Variants in LRRC15 observed in about 807,000 individuals in gnomAD.
LRRC15 encodes the protein leucine rich repeat containing 15, also known as leucine-rich repeat-containing protein 15.
LRRC15 carries 5 observed loss-of-function variants against 4.3 expected under a neutral mutation model. The observed-to-expected ratio is 1.16, with a 90% CI of 0.61 to 2.44. The LOEUF is 2.44. Ranked by LOEUF, LRRC15 falls within the 30% of genes most tolerant of loss-of-function variation. The pLI, the probability that LRRC15 is intolerant of heterozygous loss-of-function variation, is 0.01. For missense variants in LRRC15, 769 were observed against 747.0 expected (o/e 1.03, Z -0.34); for synonymous variants, 337 against 323.2 (o/e 1.04, Z -0.46).
In LRRC15 at chr3:194,360,734, G is replaced by T. The variant is rs774509554; in HGVS notation, c.310C>A (p.Arg104Ser). The change falls in exon 2 of 2, where the codon CGC becomes AGC. Residue 104 changes from arginine (R) to serine (S), a missense_variant. Arg to Ser is a moderately radical substitution (Grantham distance 110, BLOSUM62 -1). Coordinates refer to ENST00000347624, the MANE Select transcript of LRRC15 (RefSeq NM_130830.5). The part of the protein sequence containing the change: ...PGAFRNLGSL[R>S]YLSLANNKLQ... ...TTGTTGTTGGCGAGGCTGAGATAGCGCAGCGAGCCCAGGTTTCGGAAGGCC... is the reference window on the plus strand; with the variant it reads ...TTGTTGTTGGCGAGGCTGAGATAGCTCAGCGAGCCCAGGTTTCGGAAGGCC... 4 of 1,614,224 alleles carry T rather than the reference G, an allele frequency of 2.5e-6. No homozygotes were observed. Among genetic ancestry groups the T allele is most frequent in the East Asian group, 2.2e-5 (1 of 44,886 alleles).
rs1357349985 is a variant in LRRC15, at chr3:194,356,156, A to G, written c.*3142T>C. Reference sequence around the variant, plus strand: ...AGAGCAAGTGCCTCTGTACCCCATCACAAGTGGGTAGAGGCGGCACTCCTA... The same window carrying G: ...AGAGCAAGTGCCTCTGTACCCCATCGCAAGTGGGTAGAGGCGGCACTCCTA... On this transcript the variant is annotated 3_prime_UTR_variant, in exon 2 of 2. Coordinates refer to ENST00000347624, the MANE Select transcript of LRRC15 (RefSeq NM_130830.5). 6.6e-6 allele frequency: 1 copy of G among 152,234 alleles called. No homozygotes were observed. Among genetic ancestry groups the G allele is most frequent in the Non-Finnish European group, 1.5e-5 (1 of 68,060 alleles). The allele number at this position is 152,234 out of a possible 1,614,324, so 9.4% of individuals were successfully genotyped here.
chr3:194,358,916 C>T lies in LRRC15; in HGVS notation c.*382G>A, dbSNP rs563492053. 2 of 183,630 alleles carry T rather than the reference C, an allele frequency of 1.1e-5. No individual in the cohort carries two copies. The highest frequency in any genetic ancestry group is 4.7e-5 in the African/African-American group (2 of 42,548). 11.4% of individuals were successfully genotyped at this position (183,630 alleles called of 1,614,324 possible). On this transcript the variant is annotated 3_prime_UTR_variant, in exon 2 of 2. Transcript: ENST00000347624. ...GGCTATCTCAGCGGAGAACTATTCC[C>T]ACGAAGTGAGCAGGCTGTGGACTAA...
chr3:194,359,673 G>A lies in LRRC15; in HGVS notation c.1371C>T (p.Ala457=), dbSNP rs776450336. The A allele has an allele frequency of 6.2e-7, 1 of 1,614,168 alleles. No homozygotes were observed. Among genetic ancestry groups the A allele is most frequent in the Non-Finnish European group, 8.5e-7 (1 of 1,180,020 alleles). The change falls in exon 2 of 2, where the codon GCC becomes GCT. Residue 457 remains alanine, a synonymous_variant. Transcript: ENST00000347624. ...TAATGAGGGACTGGCCTCGGACATT[G>A]GCTGGGCTGAAACACACAGGTACAG... is the stretch of plus-strand genomic sequence containing the variant. The part of the protein sequence containing the change: ...TDTVPVCFSP[A]NVRGQSLIII...
intron 1 of LRRC15, among the ~76,000 whole-genome samples, chr3:194,367,849 A>G (rs1713825969): frequency 6.6e-6 from 1 of 152,240 alleles, no homozygotes; most frequent in African/African-American, 2.4e-5. Context: ...ATTGTTTGAA[A>G]ACAGAAAATC....
chr3:194,362,812 A>G lies in LRRC15; in HGVS notation c.-3-1766T>C, dbSNP rs577957067. The stretch of plus-strand genomic sequence containing the variant: ...ACTCACGGGGTCTGGAGCCTGGCCC[A>G]CGTCTCAGAGTAACCCAGGCTTCCT... On this transcript the variant is annotated intron_variant, in intron 1 of 1. Transcript: ENST00000347624. Among the ~76,000 whole-genome samples, 31 of 152,024 alleles carry G rather than the reference A, an allele frequency of 2.0e-4. 1 individual carries two copies. In the South Asian group the frequency reaches 2.1e-3, roughly 10 times the overall value.
intron 1 of LRRC15, chr3:194,363,423 G>A (rs951296455): frequency 4.9e-5 from 34 of 690,860 alleles, no homozygotes; most frequent in Non-Finnish European, 7.2e-5. Context: ...CTGAAAAAAA[G>A]TAAAAACTTA....
Position 194,359,187 on chromosome 3 carries a change from C to T in LRRC15, c.*111G>A. 9.5e-7 allele frequency: 1 copy of T among 1,047,946 alleles called. No individual in the cohort carries two copies. 64.9% of individuals were successfully genotyped at this position (1,047,946 alleles called of 1,614,324 possible). A position where few individuals can be genotyped will look rare whatever the true frequency, so the allele number is the denominator to read the frequency against. The stretch of plus-strand genomic sequence containing the variant: ...AGGTAGGCTCACCTTTCTCTGGGGC[C>T]AGAAAGAGCAATCACGGGAAAGCTC... On this transcript the variant is annotated 3_prime_UTR_variant, in exon 2 of 2. Coordinates refer to ENST00000347624, the MANE Select transcript of LRRC15 (RefSeq NM_130830.5).
At chr3:194,365,333 C>T (rs182131287) in intron 1 of LRRC15, among the ~76,000 whole-genome samples, 31 of 152,310 alleles carry the variant, frequency 2.0e-4, no homozygotes, top group African/African-American at 7.0e-4. Flanking sequence ...AGCAGAAGCA[C>T]CGTGACTCAC....
chr3:194,366,749 G>T (rs750822054), intron 1 of LRRC15, among the ~76,000 whole-genome samples: 15 of 152,176 alleles, frequency 9.9e-5, no homozygotes, highest in Non-Finnish European at 1.9e-4. Context: ...TTAGAGCCTG[G>T]AGCATCAGAG....
rs149599159 is a variant in LRRC15 at position 194,359,639 on chromosome 3, C to T, written c.1405G>A (p.Val469Ile). Residue 469 changes from valine (V) to isoleucine (I), a missense_variant, in exon 2 of 2, where the codon GTC becomes ATC. Physicochemically the swap from Val to Ile is conservative, Grantham distance 29. Transcript: ENST00000347624. ...TGGACGCTTGGAACAGCAACGTTGA[C>T]ATTGATGATAATGAGGGACTGGCCT... ...VRGQSLIIIN[V>I]NVAVPSVHVP... 8.1e-5 allele frequency: 130 copies of T among 1,613,958 alleles called. No individual in the cohort carries two copies. The highest frequency in any genetic ancestry group is 9.7e-5 in the Non-Finnish European group (114 of 1,180,002).
rs1369382118 is a variant in LRRC15 at position 194,360,661 on chromosome 3, T to C, written c.383A>G (p.Glu128Gly). 2 of 1,614,128 alleles carry C rather than the reference T, an allele frequency of 1.2e-6. No homozygotes were observed. The highest frequency in any genetic ancestry group is 8.5e-7 in the Non-Finnish European group (1 of 1,180,014). The change falls in exon 2 of 2, where the codon GAG becomes GGG. Residue 128 changes from glutamate (E) to glycine (G), a missense_variant. By Grantham distance (98) the Glu-to-Gly change is moderately conservative (BLOSUM62 -2). Transcript: ENST00000347624. ...IGLFQGLDSLESLLLSSNQLL... is the reference protein window; with the variant it reads ...IGLFQGLDSLGSLLLSSNQLL... Reference sequence around the variant, plus strand: ...CTGGTTACTGGACAGAAGGAGAGACTCGAGGCTGTCCAGGCCCTGGAAGAG... The same window carrying C: ...CTGGTTACTGGACAGAAGGAGAGACCCGAGGCTGTCCAGGCCCTGGAAGAG...
chr3:194,366,574 TGAGAAC>T (rs1294955821), intron 1 of LRRC15, among the ~76,000 whole-genome samples: 7 of 152,176 alleles, frequency 4.6e-5, no homozygotes, highest in African/African-American at 1.4e-4. Context: ...CACTGACCGC[TGAGAAC>T]GAGAGGACCC....
Position 194,359,189 on chromosome 3 carries a change from G to A in LRRC15, c.*109C>T. On this transcript the variant is annotated 3_prime_UTR_variant, in exon 2 of 2. Transcript: ENST00000347624. Reference sequence around the variant, plus strand: ...GTAGGCTCACCTTTCTCTGGGGCCAGAAAGAGCAATCACGGGAAAGCTCCA... The same window carrying A: ...GTAGGCTCACCTTTCTCTGGGGCCAAAAAGAGCAATCACGGGAAAGCTCCA... 1 of 1,072,234 alleles carries A rather than the reference G, an allele frequency of 9.3e-7. No homozygotes were observed. Among genetic ancestry groups the A allele is most frequent in the Non-Finnish European group, 1.3e-6 (1 of 749,272 alleles). The allele number at this position is 1,072,234 out of a possible 1,614,324, so 66.4% of individuals were successfully genotyped here.
chr3:194,368,018 CT>C (rs1198703376), intron 1 of LRRC15, among the ~76,000 whole-genome samples: 4 of 152,170 alleles, frequency 2.6e-5, no homozygotes, highest in African/African-American at 9.7e-5. Flanking sequence ...CAAAAGGGCT[CT>C]TATGACAGCA....
At position 194,357,142 on chromosome 3, in the gene LRRC15, C is replaced by G. The variant is rs1237607902; in HGVS notation, c.*2156G>C. 2 of 152,282 alleles carry G rather than the reference C, an allele frequency of 1.3e-5. No individual in the cohort carries two copies. Among genetic ancestry groups the G allele is most frequent in the African/African-American group, 4.8e-5 (2 of 41,464 alleles). 9.4% of individuals were successfully genotyped at this position (152,282 alleles called of 1,614,324 possible). A position where few individuals can be genotyped will look rare whatever the true frequency, so the allele number is the denominator to read the frequency against. ...TACAAAGTGCACTAGTGTTTGCAAACAGCCCTCTGGACACTTTTTGTGCAG... is the reference window on the plus strand; with the variant it reads ...TACAAAGTGCACTAGTGTTTGCAAAGAGCCCTCTGGACACTTTTTGTGCAG... On this transcript the variant is annotated 3_prime_UTR_variant, in exon 2 of 2. Transcript: ENST00000347624.
At chr3:194,368,305 C>G (rs1002929479) in intron 1 of LRRC15, among the ~76,000 whole-genome samples, 4 of 152,152 alleles carry the variant, frequency 2.6e-5, no homozygotes, top group Admixed American at 2.6e-4. Flanking sequence ...ATCTATTCTA[C>G]CTCGCCTCAC....
chr3:194,362,942 T>A (rs530738713), intron 1 of LRRC15, among the ~76,000 whole-genome samples: 2 of 134,304 alleles, frequency 1.5e-5, no homozygotes, highest in Admixed American at 7.1e-5. Context: ...TGATTTTGTT[T>A]TTTTTTTTTT....
At position 194,360,216 on chromosome 3, in the gene LRRC15, G is replaced by A. The variant is rs1014787617; in HGVS notation, c.828C>T (p.Leu276=). Residue 276 remains leucine, a synonymous_variant, in exon 2 of 2, where the codon CTC becomes CTT. Coordinates refer to ENST00000347624, the MANE Select transcript of LRRC15 (RefSeq NM_130830.5). ...MQLPQLNRLT[L]FGNSLKELSP... ...AGAGCTCCTTCAGGGAATTCCCAAA[G>A]AGAGTAAGACGGTTGAGCTGGGGCA... 6.2e-7 allele frequency: 1 copy of A among 1,613,854 alleles called. No homozygotes were observed. Among genetic ancestry groups the A allele is most frequent in the Non-Finnish European group, 8.5e-7 (1 of 1,179,752 alleles).
chr3:194,367,521 T>C (rs1713815263), intron 1 of LRRC15, among the ~76,000 whole-genome samples: 1 of 152,162 alleles, frequency 6.6e-6, no homozygotes, highest in South Asian at 2.1e-4. Flanking sequence ...TTAGCCAGGA[T>C]GGTCTTGATC....
Sources: gnomAD v4.1 joint callset for allele counts (sites outside exome capture counted in the v4.1 genomes callset) on GRCh38, gnomAD v4.1.1 for gene constraint, MANE v1.5 for transcripts, NCBI Gene and HGNC (gene_info 2026-07-23, HGNC 2026-07-21) for gene names.